The following ACTL8 variants were observed in gnomAD, a reference collection of about 807,000 sequenced individuals.
ACTL8 encodes actin like 8.
A neutral mutation model predicts 9.3 loss-of-function variants in ACTL8; 3 were observed. The ratio of observed to expected loss-of-function variants is 0.32; its 90% CI spans 0.15 to 0.83. The LOEUF is 0.83. ACTL8 is among the 40% of genes least tolerant of loss of function. The pLI, the probability that ACTL8 is intolerant of heterozygous loss-of-function variation, is 0.57. For synonymous variants in ACTL8, 224 were observed against 205.9 expected (o/e 1.09, Z -0.75); for missense variants, 381 against 492.2 (o/e 0.77, Z 2.14).
intron 1 of ACTL8, among the ~76,000 whole-genome samples, chr1:17,807,823 A>T (rs1015734810): frequency 6.6e-6 from 1 of 151,868 alleles, no homozygotes; most frequent in African/African-American, 2.4e-5. Context: ...GGAGGAGAAC[A>T]TCACACACTG....
chr1:17,756,790 G>A (rs1156900913), intron 1 of ACTL8, among the ~76,000 whole-genome samples: 1 of 152,164 alleles, frequency 6.6e-6, no homozygotes, highest in African/African-American at 2.4e-5. Flanking sequence ...GACATTATAT[G>A]AGTCTATCAT....
At chr1:17,761,456 T>C (rs1355403814) in intron 1 of ACTL8, among the ~76,000 whole-genome samples, 1 of 152,172 alleles carries the variant, frequency 6.6e-6, no homozygotes, top group Admixed American at 6.5e-5. Context: ...GCACAGACTC[T>C]GTGTGATCCG....
In ACTL8 at chr1:17,826,268, G is replaced by C; in HGVS notation, c.850G>C (p.Glu284Gln). 6.2e-7 allele frequency: 1 copy of C among 1,612,288 alleles called. No individual in the cohort carries two copies. The highest frequency in any genetic ancestry group is 8.5e-7 in the Non-Finnish European group (1 of 1,178,780). ...CATTGTGGAATCCGTGGAGTCCTGC[G>C]AGATCTCCCTGCGCCCCCTGCTGGT... Reference protein sequence around the residue: ...RAIVESVESCEISLRPLLVSH... With the variant: ...RAIVESVESCQISLRPLLVSH... The change falls in exon 3 of 3, where the codon GAG (glutamate) becomes CAG (glutamine). Residue 284 changes from glutamate to glutamine, a missense_variant. This residue lies in a region of ACTL8 where 243 missense variants were observed against 276.2 expected (regional missense o/e 0.88). Transcript: ENST00000375406. This position sits in a 1 kb window ranked among gnomAD's most constrained non-coding sequence, Gnocchi z 4.5.
intron 1 of ACTL8, among the ~76,000 whole-genome samples, chr1:17,785,545 TA>T (rs2066191090): frequency 1.3e-5 from 2 of 152,230 alleles, no homozygotes; most frequent in South Asian, 4.1e-4. Context: ...AGCACAGATG[TA>T]CACTGCCTTG....
chr1:17,796,090 G>C (rs1239080371), intron 1 of ACTL8, among the ~76,000 whole-genome samples: 1 of 152,128 alleles, frequency 6.6e-6, no homozygotes, highest in African/African-American at 2.4e-5. Context: ...CTCTTTCCTG[G>C]GTGTCTTACC....
intron 1 of ACTL8, among the ~76,000 whole-genome samples, chr1:17,814,705 C>T (rs1226426475): frequency 1.3e-5 from 2 of 152,112 alleles, no homozygotes; most frequent in Admixed American, 1.3e-4. Context: ...GAATAACACG[C>T]AGTACCAGTT....
chr1:17,798,784 C>T (rs1463772601), intron 1 of ACTL8, among the ~76,000 whole-genome samples: 1 of 152,188 alleles, frequency 6.6e-6, no homozygotes, highest in Non-Finnish European at 1.5e-5. Context: ...CTTCTCCATT[C>T]CAGCTCCTGG....
intron 1 of ACTL8, among the ~76,000 whole-genome samples, chr1:17,787,163 C>T (rs1462549503): frequency 3.9e-5 from 6 of 152,142 alleles, no homozygotes; most frequent in Non-Finnish European, 8.8e-5. Flanking sequence ...CATACTTTTC[C>T]ATGCTCTTAT....
intron 1 of ACTL8, among the ~76,000 whole-genome samples, chr1:17,821,415 A>T (rs780139460): frequency 2.6e-5 from 4 of 152,056 alleles, no homozygotes; most frequent in Non-Finnish European, 4.4e-5. Flanking sequence ...TATTTCTGTG[A>T]TCCATTTTAA....
chr1:17,781,029 C>T (rs1044621151), intron 1 of ACTL8, among the ~76,000 whole-genome samples: 4 of 152,098 alleles, frequency 2.6e-5, no homozygotes, highest in Non-Finnish European at 5.9e-5. Flanking sequence ...GATCGGTCAG[C>T]AGACTGAGAT....
intron 1 of ACTL8, among the ~76,000 whole-genome samples, chr1:17,756,235 G>T (rs1413682322): frequency 6.6e-6 from 1 of 152,080 alleles, no homozygotes; most frequent in Non-Finnish European, 1.5e-5. Context: ...AGCCCTGGGG[G>T]CCTCTTCTTG....
intron 1 of ACTL8, among the ~76,000 whole-genome samples, chr1:17,775,827 G>A (rs918732431): frequency 1.3e-5 from 2 of 152,126 alleles, no homozygotes; most frequent in East Asian, 3.9e-4. Flanking sequence ...TGCCCTAGGT[G>A]CTCTCAGTCT....
chr1:17,807,321 C>T (rs116189071), intron 1 of ACTL8, among the ~76,000 whole-genome samples: 171 of 152,268 alleles, frequency 1.1e-3, no homozygotes, highest in Admixed American at 2.7e-3. Context: ...AGAAACAAGA[C>T]GGCTGACAGG....
chr1:17,809,912 T>C (rs557378121), intron 1 of ACTL8, among the ~76,000 whole-genome samples: 16 of 152,284 alleles, frequency 1.1e-4, no homozygotes, highest in African/African-American at 3.9e-4. Flanking sequence ...GTGGAAAAAT[T>C]ATCTTCCACA....
intron 1 of ACTL8, among the ~76,000 whole-genome samples, chr1:17,776,711 A>G (rs1214807966): frequency 1.3e-5 from 2 of 152,028 alleles, no homozygotes; most frequent in African/African-American, 4.8e-5. Context: ...AAGGGTTTTA[A>G]ATAAGGCCGA....
intron 1 of ACTL8, among the ~76,000 whole-genome samples, chr1:17,814,038 A>G (rs2066409085): frequency 6.6e-6 from 1 of 151,982 alleles, no homozygotes; most frequent in Admixed American, 6.5e-5. Flanking sequence ...ACTAGCTTTT[A>G]GCTTTTGGCT....
intron 1 of ACTL8, among the ~76,000 whole-genome samples, chr1:17,760,104 C>T (rs1273612170): frequency 6.6e-6 from 1 of 152,102 alleles, no homozygotes; most frequent in African/African-American, 2.4e-5. Flanking sequence ...GATGTGTATT[C>T]TTGAGTGGAT....
Position 17,799,475 on chromosome 1 carries a change from G to A in ACTL8, c.-24-23510G>A, listed in dbSNP as rs11203464. On this transcript the variant is annotated intron_variant, in intron 1 of 2. Coordinates refer to ENST00000375406, the MANE Select transcript of ACTL8 (RefSeq NM_030812.3). ...ATCTTTTTGTCTTTTTTTTTTTCTT[G>A]TTGGTTTCTAAGTTCGTTCCATGTC... 2.6e-3 allele frequency among the ~76,000 whole-genome samples: 382 copies of A among 148,628 alleles called. 6 individuals carry two copies. Among genetic ancestry groups the A allele is most frequent in the African/African-American group, 9.1e-3 (365 of 40,286 alleles).
chr1:17,784,174 G>A (rs1477933389), intron 1 of ACTL8, among the ~76,000 whole-genome samples: 7 of 152,194 alleles, frequency 4.6e-5, no homozygotes, highest in African/African-American at 4.8e-5. Flanking sequence ...AATCATGGCC[G>A]AAGGTGAAGG....
Sources: gnomAD v4.1 joint callset for allele counts (sites outside exome capture counted in the v4.1 genomes callset) on GRCh38, gnomAD v4.1.1 for gene constraint, gnomAD v4.1.1 regional missense constraint, Gnocchi (gnomAD v3.1) non-coding constraint, MANE v1.5 for transcripts, NCBI Gene and HGNC (gene_info 2026-07-23, HGNC 2026-07-21) for gene names.